The following CD58 variants were observed in gnomAD, a reference collection of about 807,000 sequenced individuals.
CD58 encodes the protein CD58 molecule, also known as lymphocyte function-associated antigen 3.
Under a neutral mutation model 27.6 loss-of-function variants are expected in CD58, and 14 were observed. The observed-to-expected ratio is 0.51, with a 90% confidence interval of 0.34 to 0.79. CD58 has a LOEUF of 0.79. Ranked by LOEUF, CD58 falls within the 30% of genes least tolerant of loss-of-function variation. CD58 has a pLI of 0.02. For missense variants in CD58, 268 were observed against 301.7 expected (o/e 0.89, Z 0.83); for synonymous variants, 117 against 103.8 (o/e 1.13, Z -0.77).
In CD58 at chr1:116,532,940, T is replaced by C; in HGVS notation, c.628+3025A>G. The C allele has an allele frequency of 9.3e-7, 1 of 1,076,530 alleles. No individual in the cohort carries two copies. The highest frequency in any genetic ancestry group is 1.4e-6 in the Non-Finnish European group (1 of 734,628). 66.7% of individuals were successfully genotyped at this position (1,076,530 alleles called of 1,614,324 possible). A position where few individuals can be genotyped will look rare whatever the true frequency, so the allele number is the denominator to read the frequency against. On this transcript the variant is annotated intron_variant, in intron 3 of 5. Coordinates refer to ENST00000369489, the MANE Select transcript of CD58 (RefSeq NM_001779.3). This position sits in a 1 kb window ranked among gnomAD's most constrained non-coding sequence, Gnocchi z 5.1. ...CCAGGCGCCCACCTCCACTTCCTAC[T>C]GCTGCTTGCATTCCGCCGGCTGGCT...
rs978023312 is a variant in CD58 at position 116,534,552 on chromosome 1, A to G, written c.628+1413T>C. 2.0e-5 allele frequency among the ~76,000 whole-genome samples: 3 copies of G among 152,152 alleles called. No individual in the cohort carries two copies. The highest frequency in any genetic ancestry group is 4.4e-5 in the Non-Finnish European group (3 of 68,014). On this transcript the variant is annotated intron_variant, in intron 3 of 5. Coordinates refer to ENST00000369489, the MANE Select transcript of CD58 (RefSeq NM_001779.3). This position sits in a 1 kb window ranked among gnomAD's most constrained non-coding sequence, Gnocchi z 5.3. The stretch of plus-strand genomic sequence containing the variant: ...GGCGAGGAAGCCGCCCGCAGCGCAG[A>G]ACAAAGCGACTTGACCTTCAGGGCA...
At chr1:116,548,867 C>G (rs957411485) in intron 1 of CD58, among the ~76,000 whole-genome samples, 2 of 152,156 alleles carry the variant, frequency 1.3e-5, no homozygotes, top group Non-Finnish European at 2.9e-5. Flanking sequence ...TATATGTTCA[C>G]ATTGTCTTGT....
At chr1:116,529,552 T>C (rs1206663546) in intron 3 of CD58, among the ~76,000 whole-genome samples, 1 of 152,152 alleles carries the variant, frequency 6.6e-6, no homozygotes, top group Non-Finnish European at 1.5e-5. Flanking sequence ...TCAGATGGAG[T>C]TGGATGTCAA....
In CD58 at chr1:116,517,618, C is replaced by T. The variant is rs1349454933; in HGVS notation, c.743+1613G>A. Among the ~76,000 whole-genome samples, 1 of 152,158 alleles carries T rather than the reference C, an allele frequency of 6.6e-6. No individual in the cohort carries two copies. Among genetic ancestry groups the T allele is most frequent in the African/African-American group, 2.4e-5 (1 of 41,426 alleles). ...AGCTTTAACATGTAGCCTCCTCCCT[C>T]GAGTCTCTAACCCGGGGCTACCCTG... On this transcript the variant is annotated intron_variant, in intron 5 of 5. Coordinates refer to ENST00000369489, the MANE Select transcript of CD58 (RefSeq NM_001779.3). This position sits in a 1 kb window ranked among gnomAD's most constrained non-coding sequence, Gnocchi z 6.5.
At chr1:116,537,303 C>T (rs1657844631) in intron 2 of CD58, among the ~76,000 whole-genome samples, 1 of 152,148 alleles carries the variant, frequency 6.6e-6, no homozygotes, top group East Asian at 1.9e-4. Flanking sequence ...CTATGCTTGA[C>T]CCATAGGGTG....
chr1:116,548,017 C>T (rs530434813), intron 1 of CD58, among the ~76,000 whole-genome samples: 2 of 152,222 alleles, frequency 1.3e-5, no homozygotes, highest in Middle Eastern at 6.8e-3. Flanking sequence ...GGTGGTATTG[C>T]ATTGTGGTTT....
Position 116,524,347 on chromosome 1 carries a change from C to A in CD58, c.629-2364G>T, listed in dbSNP as rs2101158726. Reference sequence around the variant, plus strand: ...ACCAGGTAACACTGGTCACTCAAATCTGGGTCCAAGAACCAAGAAGCATGC... The same window carrying A: ...ACCAGGTAACACTGGTCACTCAAATATGGGTCCAAGAACCAAGAAGCATGC... On this transcript the variant is annotated intron_variant, in intron 3 of 5. Coordinates refer to ENST00000369489, the MANE Select transcript of CD58 (RefSeq NM_001779.3). This position sits in a 1 kb window ranked among gnomAD's most constrained non-coding sequence, Gnocchi z 4.6. 6.6e-6 allele frequency among the ~76,000 whole-genome samples: 1 copy of A among 152,322 alleles called. No homozygotes were observed. Among genetic ancestry groups the A allele is most frequent in the East Asian group, 1.9e-4 (1 of 5,190 alleles).
chr1:116,547,695 T>C lies in CD58; in HGVS notation c.71-3091A>G, dbSNP rs577161680. 2.6e-5 allele frequency among the ~76,000 whole-genome samples: 4 copies of C among 152,248 alleles called. No individual in the cohort carries two copies. In the East Asian group the frequency reaches 7.7e-4, roughly 29 times the overall value. ...CTCCCACATTTTCTTTATCCACTCA[T>C]TGATTGATGGGCATTTATGCTGATT... On this transcript the variant is annotated intron_variant, in intron 1 of 5. Transcript: ENST00000369489.
In CD58 at chr1:116,536,371, C is replaced by T; in HGVS notation, c.365-143G>A. ...CCTTGAGCATCAAGGAGCGAGAATT[C>T]TTTCTTTTGCTAGGTCAGATCTACC... On this transcript the variant is annotated intron_variant, in intron 2 of 5. Transcript: ENST00000369489. This position sits in a 1 kb window ranked among gnomAD's most constrained non-coding sequence, Gnocchi z 5.4. The T allele has an allele frequency of 1.6e-6, 1 of 609,238 alleles. No individual in the cohort carries two copies. The allele number at this position is 609,238 out of a possible 1,614,324, so 37.7% of individuals were successfully genotyped here. A position where few individuals can be genotyped will look rare whatever the true frequency, so the allele number is the denominator to read the frequency against.
In CD58 at chr1:116,515,697, G is replaced by A. The variant is rs1049665291; in HGVS notation, c.744-875C>T. On this transcript the variant is annotated intron_variant, in intron 5 of 5. Transcript: ENST00000369489. This position sits in a 1 kb window ranked among gnomAD's most constrained non-coding sequence, Gnocchi z 4.6. ...CTTCTCCAGCTTGGCTCCTGCCTGA[G>A]ATCCCACCTGTAAATCTTTCTTCTC... Among the ~76,000 whole-genome samples the A allele has an allele frequency of 6.6e-6, 1 of 152,146 alleles. No homozygotes were observed. The highest frequency in any genetic ancestry group is 2.4e-5 in the African/African-American group (1 of 41,416).
At chr1:116,520,134 G>A (rs1657219848) in intron 4 of CD58, among the ~76,000 whole-genome samples, 1 of 152,086 alleles carries the variant, frequency 6.6e-6, no homozygotes, top group African/African-American at 2.4e-5. Context: ...TTTTTTGTTT[G>A]TTTGTTTTTT....
rs1205295221 is a variant in CD58, at chr1:116,515,406, T to C, written c.744-584A>G. On this transcript the variant is annotated intron_variant, in intron 5 of 5. Coordinates refer to ENST00000369489, the MANE Select transcript of CD58 (RefSeq NM_001779.3). The surrounding 1 kb of genome is among the most constrained non-coding windows in gnomAD (Gnocchi z 4.6). ...ACCAGGCCAGAGCTCCCCAAACATTTGTATCTCATTGGTAACAAGAATTCA... is the reference window on the plus strand; with the variant it reads ...ACCAGGCCAGAGCTCCCCAAACATTCGTATCTCATTGGTAACAAGAATTCA... Among the ~76,000 whole-genome samples, 1 of 152,138 alleles carries C rather than the reference T, an allele frequency of 6.6e-6. No homozygotes were observed. The highest frequency in any genetic ancestry group is 2.1e-4 in the South Asian group (1 of 4,830).
intron 1 of CD58, among the ~76,000 whole-genome samples, chr1:116,554,870 C>T (rs940764076): frequency 2.6e-5 from 4 of 152,120 alleles, no homozygotes; most frequent in Non-Finnish European, 4.4e-5. Flanking sequence ...ACTTTGTGTG[C>T]ATGGGTATAT....
At chr1:116,568,949 T>C (rs560241937) in intron 1 of CD58, among the ~76,000 whole-genome samples, 1 of 152,360 alleles carries the variant, frequency 6.6e-6, no homozygotes, top group Admixed American at 6.5e-5. Flanking sequence ...TTCAGTCTTG[T>C]CTTTAGTTTA....
At chr1:116,556,179 C>T (rs1178323031) in intron 1 of CD58, among the ~76,000 whole-genome samples, 1 of 145,678 alleles carries the variant, frequency 6.9e-6, no homozygotes, top group Admixed American at 7.1e-5. Context: ...CGCTTGAACC[C>T]GGGAGGTGGA....
chr1:116,562,186 G>C (rs2101225340), intron 1 of CD58, among the ~76,000 whole-genome samples: 1 of 151,694 alleles, frequency 6.6e-6, no homozygotes. Flanking sequence ...ATCAATATAA[G>C]GAAAATTTTA....
chr1:116,542,283 A>G (rs949010265), intron 2 of CD58, among the ~76,000 whole-genome samples: 2 of 152,192 alleles, frequency 1.3e-5, no homozygotes, highest in Non-Finnish European at 2.9e-5. Context: ...CCTCTCAAGG[A>G]AAAAAGAGAA....
chr1:116,559,316 G>C lies in CD58; in HGVS notation c.70+11587C>G, dbSNP rs1021783677. Among the ~76,000 whole-genome samples, 1 of 152,202 alleles carries C rather than the reference G, an allele frequency of 6.6e-6. No homozygotes were observed. Among genetic ancestry groups the C allele is most frequent in the Non-Finnish European group, 1.5e-5 (1 of 68,032 alleles). ...CACTTGGTTGATAGAGAAGGTCAAA[G>C]ATTCCGAAGCACCAGGCTACAGATG... On this transcript the variant is annotated intron_variant, in intron 1 of 5. Coordinates refer to ENST00000369489, the MANE Select transcript of CD58 (RefSeq NM_001779.3). The surrounding 1 kb of genome is among the most constrained non-coding windows in gnomAD (Gnocchi z 4.4).
At chr1:116,562,991 C>A (rs771725761) in intron 1 of CD58, among the ~76,000 whole-genome samples, 1 of 152,168 alleles carries the variant, frequency 6.6e-6, no homozygotes, top group Non-Finnish European at 1.5e-5. Flanking sequence ...AAAGTCTCAT[C>A]GGAGATAAGG....
Sources: gnomAD v4.1 joint callset for allele counts (sites outside exome capture counted in the v4.1 genomes callset) on GRCh38, gnomAD v4.1.1 for gene constraint, Gnocchi (gnomAD v3.1) non-coding constraint, MANE v1.5 for transcripts, NCBI Gene and HGNC (gene_info 2026-07-23, HGNC 2026-07-21) for gene names.